Variants in SLC7A14 observed in about 807,000 individuals in gnomAD.
The protein encoded by SLC7A14 is solute carrier family 7 member 14.
In SLC7A14, 37 loss-of-function variants were observed where a neutral mutation model predicts 60.2. The observed-to-expected ratio is 0.61, with a 90% confidence interval of 0.47 to 0.81. The LOEUF (loss-of-function observed/expected upper bound fraction) is 0.81, where lower values mean the gene tolerates loss of function less well. Ranked by LOEUF, SLC7A14 falls within the 30% of genes least tolerant of loss-of-function variation. SLC7A14 has a pLI of 0.00. For synonymous variants in SLC7A14, 399 were observed against 395.8 expected, an observed-to-expected ratio of 1.01 and a Z score of -0.10; for missense variants, 886 against 982.7, an observed-to-expected ratio of 0.90 and a Z score of 1.32.
chr3:170,549,964 G>C (rs959952924), intron 1 of SLC7A14, among the ~76,000 whole-genome samples: 1 of 152,232 alleles, frequency 6.6e-6, no homozygotes, highest in Non-Finnish European at 1.5e-5. Flanking sequence ...TGTGGCTGCT[G>C]TGGTTTTATC....
At chr3:170,556,505 G>A (rs1714488433) in intron 1 of SLC7A14, among the ~76,000 whole-genome samples, 2 of 152,208 alleles carry the variant, frequency 1.3e-5, no homozygotes, top group Non-Finnish European at 2.9e-5. Context: ...GATGATATGT[G>A]TAGGGCTCCT....
chr3:170,585,781 C>T lies in SLC7A14; in HGVS notation c.-153+130G>A, dbSNP rs1182454798. 2 of 152,200 alleles carry T rather than the reference C, an allele frequency of 1.3e-5. No homozygotes were observed. Among genetic ancestry groups the T allele is most frequent in the African/African-American group, 4.8e-5 (2 of 41,436 alleles). The allele number at this position is 152,200 out of a possible 1,614,324, so 9.4% of individuals were successfully genotyped here. ...TGGGCCTCCGCGCCATATTCCTGGT[C>T]CCCCGCTCCCGGTGACTCCGGCTCC... On this transcript the variant is annotated intron_variant, in intron 1 of 7. Coordinates refer to ENST00000231706, the MANE Select transcript of SLC7A14 (RefSeq NM_020949.3). This position sits in a 1 kb window ranked among gnomAD's most constrained non-coding sequence, Gnocchi z 5.1.
intron 1 of SLC7A14, among the ~76,000 whole-genome samples, chr3:170,556,986 A>C (rs1714502467): frequency 6.6e-6 from 1 of 152,188 alleles, no homozygotes; most frequent in Non-Finnish European, 1.5e-5. Flanking sequence ...AGTGGTGCGC[A>C]TGAGGCTTTT....
chr3:170,581,373 G>C (rs1245914508), intron 1 of SLC7A14, among the ~76,000 whole-genome samples: 1 of 151,976 alleles, frequency 6.6e-6, no homozygotes, highest in Non-Finnish European at 1.5e-5. Context: ...CATTATTGAT[G>C]ATTACTTAAA....
At chr3:170,506,706 C>T (rs575651482) in intron 2 of SLC7A14, among the ~76,000 whole-genome samples, 3 of 152,290 alleles carry the variant, frequency 2.0e-5, no homozygotes, top group South Asian at 2.1e-4. Flanking sequence ...AAGATAATCA[C>T]GACATGCTTC....
chr3:170,471,282 C>G (rs1739900842), intron 7 of SLC7A14, among the ~76,000 whole-genome samples: 2 of 152,168 alleles, frequency 1.3e-5, no homozygotes, highest in Admixed American at 1.3e-4. Context: ...TCTTACATCT[C>G]CCGCCTACCA....
At chr3:170,536,890 C>G (rs897097330) in intron 1 of SLC7A14, among the ~76,000 whole-genome samples, 1 of 152,114 alleles carries the variant, frequency 6.6e-6, no homozygotes, top group Non-Finnish European at 1.5e-5. Context: ...TGAGATCATC[C>G]AGCCTGGCAC....
chr3:170,560,253 T>C (rs1191601802), intron 1 of SLC7A14, among the ~76,000 whole-genome samples: 1 of 152,138 alleles, frequency 6.6e-6, no homozygotes, highest in Non-Finnish European at 1.5e-5. Flanking sequence ...ATCTCCTTGA[T>C]ACCATAATAA....
intron 1 of SLC7A14, among the ~76,000 whole-genome samples, chr3:170,574,803 T>C (rs1453626370): frequency 6.6e-6 from 1 of 152,206 alleles, no homozygotes; most frequent in African/African-American, 2.4e-5. Flanking sequence ...TTATTTATCC[T>C]TGGGAAATAG....
intron 1 of SLC7A14, among the ~76,000 whole-genome samples, chr3:170,568,309 A>G (rs1462773312): frequency 6.6e-6 from 1 of 152,222 alleles, no homozygotes; most frequent in Non-Finnish European, 1.5e-5. Flanking sequence ...GTCAAAGATC[A>G]GATAGTTGTA....
intron 1 of SLC7A14, among the ~76,000 whole-genome samples, chr3:170,581,864 T>C (rs1158578211): frequency 6.6e-6 from 1 of 152,134 alleles, no homozygotes; most frequent in African/African-American, 2.4e-5. Context: ...GTGACACCTG[T>C]ACTACTGACT....
intron 7 of SLC7A14, 48 bp downstream of exon 7, chr3:170,480,241 T>C: frequency 6.6e-7 from 1 of 1,506,430 alleles, no homozygotes; most frequent in Admixed American, 2.3e-5. Context: ...ATAAGCATGC[T>C]TAAGACCTTA....
chr3:170,476,395 C>T (rs796690619), intron 7 of SLC7A14, among the ~76,000 whole-genome samples: 13 of 152,306 alleles, frequency 8.5e-5, no homozygotes, highest in African/African-American at 2.6e-4. Context: ...TCAGAATCAC[C>T]GGGTGCTTGT....
At chr3:170,528,091 C>T (rs143610265) in intron 1 of SLC7A14, among the ~76,000 whole-genome samples, 140 of 152,094 alleles carry the variant, frequency 9.2e-4, no homozygotes, top group Non-Finnish European at 1.7e-3. Context: ...GGCACGTTTG[C>T]GGTGATTTTT....
rs1003382679 is a variant in SLC7A14, at chr3:170,498,785, T to C, written c.641A>G (p.Asn214Ser). ...ALGVKNSIGF[N>S]NVLNVLNLAV... ...CAGGTTCAGCACATTGAGAACATTG[T>C]TGAAGCCTATGGAATTCTTCACCCC... The change falls in exon 4 of 8, where the codon AAC becomes AGC. Residue 214 changes from asparagine to serine, a missense_variant. Coordinates refer to ENST00000231706, the MANE Select transcript of SLC7A14 (RefSeq NM_020949.3). The C allele has an allele frequency of 6.2e-7, 1 of 1,614,180 alleles. No homozygotes were observed. Among genetic ancestry groups the C allele is most frequent in the East Asian group, 2.2e-5 (1 of 44,880 alleles).
chr3:170,483,919 C>T lies in SLC7A14; in HGVS notation c.907-397G>A, dbSNP rs981790372. On this transcript the variant is annotated intron_variant, in intron 5 of 7. Transcript: ENST00000231706. ...GCAGGGACCATGAGCACCCTGCCCA[C>T]GTGGACAAGACTCTCATTTCTCTTC... is the stretch of plus-strand genomic sequence containing the variant. Among the ~76,000 whole-genome samples, 7 of 152,180 alleles carry T rather than the reference C, an allele frequency of 4.6e-5. No homozygotes were observed. The South Asian group carries it at 1.0e-3, about 22-fold the overall frequency.
chr3:170,528,563 C>A (rs558980865), intron 1 of SLC7A14, among the ~76,000 whole-genome samples: 1 of 152,266 alleles, frequency 6.6e-6, no homozygotes, highest in South Asian at 2.1e-4. Flanking sequence ...GCTTTTCAAA[C>A]GCTAATTAGA....
In SLC7A14 at chr3:170,486,262, A is replaced by T; in HGVS notation, c.866T>A (p.Ile289Asn). The T allele has an allele frequency of 6.2e-7, 1 of 1,614,222 alleles. No individual in the cohort carries two copies. Among genetic ancestry groups the T allele is most frequent in the South Asian group, 1.1e-5 (1 of 91,076 alleles). The change falls in exon 5 of 8, where the codon ATC becomes AAC. Residue 289 changes from isoleucine (I) to asparagine (N), a missense_variant. Transcript: ENST00000231706. Reference sequence around the variant, plus strand: ...CAGGCAGATGACCAGGGAGGCAGTGATAGCATAAGGGATGGACGTGTTGGG... The same window carrying T: ...CAGGCAGATGACCAGGGAGGCAGTGTTAGCATAAGGGATGGACGTGTTGGG... ...KNPNTSIPYA[I>N]TASLVICLTA...
rs1713526493 is a variant in SLC7A14 at position 170,526,910 on chromosome 3, G to T, written c.27C>A (p.Asp9Glu). Reference protein sequence around the residue: MSGFFTSLDPRRVQWGAAW... With the variant: MSGFFTSLEPRRVQWGAAW... ...CAGCTCCCCACTGCACCCGCCGGGG[G>T]TCCAGCGAGGTGAAGAAGCCACTCA... Residue 9 changes from aspartate to glutamate, a missense_variant, in exon 2 of 8, where the codon GAC (aspartate) becomes GAA (glutamate). Coordinates refer to ENST00000231706, the MANE Select transcript of SLC7A14 (RefSeq NM_020949.3). 2 of 1,613,460 alleles carry T rather than the reference G, an allele frequency of 1.2e-6. No individual in the cohort carries two copies. Among genetic ancestry groups the T allele is most frequent in the Non-Finnish European group, 1.7e-6 (2 of 1,179,744 alleles).
Sources: allele counts gnomAD v4.1 joint callset (sites outside exome capture counted in the v4.1 genomes callset), GRCh38; gene constraint gnomAD v4.1.1; non-coding constraint Gnocchi (gnomAD v3.1); transcripts MANE v1.5; gene names NCBI Gene and HGNC (gene_info 2026-07-23, HGNC 2026-07-21).